TNIK: variants seen among roughly 807,000 people sequenced by gnomAD.
TNIK encodes TRAF2 and NCK-interacting protein kinase.
In TNIK, 49 loss-of-function variants were observed where a neutral mutation model predicts 191.3. The observed-to-expected ratio is 0.26, with a 90% CI of 0.20 to 0.32. The LOEUF is 0.32. Ranked by LOEUF, TNIK falls within the 10% of genes least tolerant of loss-of-function variation. The pLI is 1.00. For synonymous variants in TNIK, 594 were observed against 600.9 expected (o/e 0.99, Z 0.17); for missense variants, 1,155 against 1,702.3 (o/e 0.68, Z 5.66).
Position 171,211,209 on chromosome 3 carries a change from GTTAATTTCTTGT to G in TNIK, c.201_212del (p.Lys67_Ile70del). On this transcript the variant is annotated inframe_deletion, in exon 4 of 33. Transcript: ENST00000436636. Reference sequence around the variant, plus strand: ...GGTGATGAGAATATTTCTTCAACATGTTAATTTCTTGTTTGATTTCTTCCTCTTCATCCTGTA... The same window carrying G: ...GGTGATGAGAATATTTCTTCAACATGTTGATTTCTTCCTCTTCATCCTGTA... 1 of 1,611,006 alleles carries G rather than the reference GTTAATTTCTTGT, an allele frequency of 6.2e-7. No individual in the cohort carries two copies. The highest frequency in any genetic ancestry group is 8.5e-7 in the Non-Finnish European group (1 of 1,178,594).
rs71634497 is a variant in TNIK at position 171,327,900 on chromosome 3, T to TAA, written c.123+41718_123+41719dup. On this transcript the variant is annotated intron_variant, in intron 2 of 32. Transcript: ENST00000436636. ...ATCTGTGGCTCCCAAACCTGGCTCA[T>TAA]AAAAAAAAAAAAAAAAAAAAAAAAA... Among the ~76,000 whole-genome samples, 731 of 79,548 alleles carry TAA rather than the reference T, an allele frequency of 9.2e-3. 40 individuals carry two copies. Among genetic ancestry groups the TAA allele is most frequent in the South Asian group, 0.015 (35 of 2,292 alleles). The allele number at this position is 79,548 out of a possible 152,430, so 52.2% of individuals were successfully genotyped here.
chr3:171,291,118 C>T (rs1289732591), intron 2 of TNIK, among the ~76,000 whole-genome samples: 1 of 152,130 alleles, frequency 6.6e-6, no homozygotes, highest in Non-Finnish European at 1.5e-5. Flanking sequence ...TCACAGAAAA[C>T]GTGCAAACCT....
At chr3:171,173,292 A>G (rs1443030271) in intron 9 of TNIK, among the ~76,000 whole-genome samples, 3 of 150,766 alleles carry the variant, frequency 2.0e-5, no homozygotes, top group African/African-American at 7.3e-5. Flanking sequence ...GCTACTCAGG[A>G]GACTGAGGCA....
chr3:171,252,994 G>GGGCC (rs1746411118), intron 2 of TNIK, among the ~76,000 whole-genome samples: 1 of 152,038 alleles, frequency 6.6e-6, no homozygotes, highest in African/African-American at 2.4e-5. Context: ...GAAATAACTA[G>GGGCC]GGCCGGGCAC....
intron 2 of TNIK, among the ~76,000 whole-genome samples, chr3:171,286,211 T>C (rs1238238191): frequency 5.9e-5 from 9 of 152,154 alleles, no homozygotes; most frequent in Non-Finnish European, 1.2e-4. Flanking sequence ...AACTTCTCCT[T>C]CTCCTCCTTC....
intron 23 of TNIK, among the ~76,000 whole-genome samples, chr3:171,092,588 C>G (rs546113972): frequency 6.6e-6 from 1 of 152,358 alleles, no homozygotes; most frequent in South Asian, 2.1e-4. Flanking sequence ...ATGTCAATTT[C>G]AGCAGCCAAG....
intron 18 of TNIK, among the ~76,000 whole-genome samples, chr3:171,117,323 A>G (rs1394198481): frequency 6.6e-6 from 1 of 152,152 alleles, no homozygotes; most frequent in East Asian, 1.9e-4. Context: ...TTAGCACAGA[A>G]TGGTGCTTAA....
intron 2 of TNIK, among the ~76,000 whole-genome samples, chr3:171,232,280 T>G (rs1256723660): frequency 1.3e-5 from 2 of 151,376 alleles, no homozygotes; most frequent in Non-Finnish European, 2.9e-5. Context: ...ACTCCAGGAG[T>G]TCGAGGCTGG....
chr3:171,321,656 C>T (rs1410569871), intron 2 of TNIK, among the ~76,000 whole-genome samples: 13 of 152,044 alleles, frequency 8.6e-5, no homozygotes, highest in Admixed American at 8.5e-4. Context: ...GACAGATGGA[C>T]TACAGGAAAA....
At chr3:171,293,787 G>GT (rs1751955290) in intron 2 of TNIK, among the ~76,000 whole-genome samples, 1 of 152,076 alleles carries the variant, frequency 6.6e-6, no homozygotes, top group East Asian at 1.9e-4. Context: ...TTGATTTAAA[G>GT]AAAAATAATA....
At chr3:171,245,455 A>G (rs888411398) in intron 2 of TNIK, among the ~76,000 whole-genome samples, 1 of 152,158 alleles carries the variant, frequency 6.6e-6, no homozygotes, top group Non-Finnish European at 1.5e-5. Context: ...AAAAGAAACA[A>G]CATTTAAACC....
At chr3:171,097,890 T>TGAAA (rs1722943109) in intron 22 of TNIK, among the ~76,000 whole-genome samples, 2 of 152,148 alleles carry the variant, frequency 1.3e-5, no homozygotes, top group South Asian at 4.1e-4. Flanking sequence ...AGGAGCTAAC[T>TGAAA]GAAAGAGCTC....
At chr3:171,459,958 T>C (rs375230731) in intron 1 of TNIK, 49 bp downstream of exon 1, 1 of 1,565,330 alleles carries the variant, frequency 6.4e-7, no homozygotes, top group African/African-American at 1.4e-5. Flanking sequence ...CCGAGCCCAT[T>C]CACCCTAACC....
intron 30 of TNIK, among the ~76,000 whole-genome samples, chr3:171,066,940 T>C (rs1242193292): frequency 6.6e-6 from 1 of 152,206 alleles, no homozygotes; most frequent in Non-Finnish European, 1.5e-5. Context: ...ATTTACCTGT[T>C]CCTAAAAAGA....
intron 12 of TNIK, among the ~76,000 whole-genome samples, chr3:171,153,316 C>T (rs903709386): frequency 6.6e-6 from 1 of 152,116 alleles, no homozygotes; most frequent in African/African-American, 2.4e-5. Context: ...ACTCTCTTCT[C>T]ATGTGTACTT....
intron 2 of TNIK, among the ~76,000 whole-genome samples, chr3:171,249,764 T>C (rs776889682): frequency 2.0e-5 from 3 of 152,190 alleles, no homozygotes; most frequent in African/African-American, 4.8e-5. Context: ...ATTTATTTCA[T>C]CCACTCTTGA....
intron 2 of TNIK, among the ~76,000 whole-genome samples, chr3:171,348,890 A>G (rs1436473717): frequency 6.6e-6 from 1 of 152,128 alleles, no homozygotes; most frequent in African/African-American, 2.4e-5. Context: ...TATGTACTAT[A>G]TTTTTAAATA....
chr3:171,214,917 A>T (rs1741278630), intron 3 of TNIK, among the ~76,000 whole-genome samples: 1 of 152,318 alleles, frequency 6.6e-6, no homozygotes, highest in East Asian at 1.9e-4. Flanking sequence ...TCTCAAGATC[A>T]CAGGATCTAC....
Position 171,167,254 on chromosome 3 carries a change from A to T in TNIK, c.790T>A (p.Ser264Thr). The change falls in exon 10 of 33, where the codon TCA becomes ACA. Residue 264 changes from serine (S) to threonine (T), a missense_variant. By Grantham distance (58) the Ser-to-Thr change is moderately conservative. Transcript: ENST00000436636. Reference sequence around the variant, plus strand: ...TTTACCAAGCAGCTCTCAATAAATGACTGGAATTTTTTTGACCTGCCAAAC... The same window carrying T: ...TTTACCAAGCAGCTCTCAATAAATGTCTGGAATTTTTTTGACCTGCCAAAC... ...KSKKWSKKFQ[S>T]FIESCLVKNH... The T allele has an allele frequency of 6.2e-7, 1 of 1,612,032 alleles. No homozygotes were observed. The highest frequency in any genetic ancestry group is 8.5e-7 in the Non-Finnish European group (1 of 1,179,138).
Sources: allele counts gnomAD v4.1 joint callset (sites outside exome capture counted in the v4.1 genomes callset), GRCh38; gene constraint gnomAD v4.1.1; transcripts MANE v1.5; gene names NCBI Gene and HGNC (gene_info 2026-07-23, HGNC 2026-07-21).